Variants in ASTN2 observed in about 807,000 individuals in gnomAD.
ASTN2 encodes the protein astrotactin-2.
Under a neutral mutation model 139.8 loss-of-function variants are expected in ASTN2, and 54 were observed. The observed-to-expected ratio is 0.39, with a 90% CI of 0.31 to 0.48. The LOEUF (loss-of-function observed/expected upper bound fraction) is 0.48. Ranked by LOEUF, ASTN2 falls within the 20% of genes least tolerant of loss-of-function variation. The pLI, the probability that ASTN2 is intolerant of heterozygous loss-of-function variation, is 0.95. For synonymous variants in ASTN2, 756 were observed against 719.5 expected (o/e 1.05, Z -0.81); for missense variants, 1,565 against 1,725.1 (o/e 0.91, Z 1.64).
intron 10 of ASTN2, among the ~76,000 whole-genome samples, chr9:116,946,843 A>G (rs1266730073): frequency 1.3e-5 from 2 of 151,022 alleles, no homozygotes; most frequent in East Asian, 2.0e-4. Context: ...TTTATCTTTT[A>G]AGGCTTTTCC....
chr9:116,901,215 A>C (rs1287561170), intron 10 of ASTN2, among the ~76,000 whole-genome samples: 1 of 152,128 alleles, frequency 6.6e-6, no homozygotes, highest in Non-Finnish European at 1.5e-5. Context: ...TGCATATATG[A>C]CAGTGGTCCT....
chr9:117,097,087 T>A (rs562248318), intron 4 of ASTN2, among the ~76,000 whole-genome samples: 4 of 152,142 alleles, frequency 2.6e-5, no homozygotes, highest in Non-Finnish European at 4.4e-5. Flanking sequence ...GGCTGCAGGA[T>A]GGGTGCCAGG....
chr9:117,198,394 G>A (rs1831582291), intron 3 of ASTN2, among the ~76,000 whole-genome samples: 1 of 152,008 alleles, frequency 6.6e-6, no homozygotes, highest in Admixed American at 6.6e-5. Flanking sequence ...ATTCCATGGT[G>A]TATATGTACC....
chr9:117,154,925 C>T (rs1257029585), intron 3 of ASTN2, among the ~76,000 whole-genome samples: 1 of 152,002 alleles, frequency 6.6e-6, no homozygotes, highest in Non-Finnish European at 1.5e-5. Flanking sequence ...GCACCATTAC[C>T]TCATATGCCA....
intron 3 of ASTN2, among the ~76,000 whole-genome samples, chr9:117,211,333 C>T (rs1832119178): frequency 6.6e-6 from 1 of 152,164 alleles, no homozygotes; most frequent in Admixed American, 6.5e-5. Flanking sequence ...ATCTCATGTT[C>T]AATTATAATC....
At chr9:116,964,992 T>C in intron 10 of ASTN2, among the ~76,000 whole-genome samples, 1 of 152,110 alleles carries the variant, frequency 6.6e-6, no homozygotes, top group East Asian at 1.9e-4. Context: ...CACAATGAGG[T>C]CATGACATAG....
At chr9:116,496,601 T>C (rs951763757) in intron 19 of ASTN2, among the ~76,000 whole-genome samples, 3 of 152,146 alleles carry the variant, frequency 2.0e-5, no homozygotes, top group Non-Finnish European at 4.4e-5. Flanking sequence ...GTCGGGGAGA[T>C]GGGGCACTTA....
intron 20 of ASTN2, among the ~76,000 whole-genome samples, chr9:116,451,440 A>C (rs946841490): frequency 1.7e-4 from 24 of 145,044 alleles, no homozygotes; most frequent in African/African-American, 5.9e-4. Flanking sequence ...TAAGCACGGA[A>C]GAAACACCCA....
intron 11 of ASTN2, among the ~76,000 whole-genome samples, chr9:116,844,687 C>T (rs987243706): frequency 2.0e-5 from 3 of 151,856 alleles, no homozygotes; most frequent in East Asian, 1.9e-4. Context: ...ATAAAAGTTG[C>T]TATTATGATT....
chr9:117,299,566 G>A (rs1202695651), intron 1 of ASTN2, among the ~76,000 whole-genome samples: 1 of 152,162 alleles, frequency 6.6e-6, no homozygotes, highest in African/African-American at 2.4e-5. Context: ...GGTCACAAAT[G>A]TACAAAGGGA....
At chr9:117,355,874 T>C (rs1219679777) in intron 1 of ASTN2, among the ~76,000 whole-genome samples, 1 of 152,138 alleles carries the variant, frequency 6.6e-6, no homozygotes, top group Non-Finnish European at 1.5e-5. Context: ...AAGTGGTCAA[T>C]GGCATGCTTG....
intron 20 of ASTN2, among the ~76,000 whole-genome samples, chr9:116,481,770 G>A (rs1284146275): frequency 6.6e-6 from 1 of 152,154 alleles, no homozygotes; most frequent in Non-Finnish European, 1.5e-5. Flanking sequence ...TCTATAGGCT[G>A]TGATCTGAGT....
At chr9:117,184,994 C>T (rs916349017) in intron 3 of ASTN2, among the ~76,000 whole-genome samples, 8 of 152,058 alleles carry the variant, frequency 5.3e-5, no homozygotes, top group South Asian at 2.1e-4. Context: ...GTAAGGAATC[C>T]GAGACTAAAA....
intron 19 of ASTN2, among the ~76,000 whole-genome samples, chr9:116,499,977 A>G (rs1179225996): frequency 6.6e-6 from 1 of 151,972 alleles, no homozygotes; most frequent in African/African-American, 2.4e-5. Flanking sequence ...CAACCCACCT[A>G]ACTCCTGTTT....
intron 1 of ASTN2, among the ~76,000 whole-genome samples, chr9:117,340,567 C>T (rs1829036616): frequency 6.6e-6 from 1 of 151,992 alleles, no homozygotes. Flanking sequence ...ACAGAAGAAG[C>T]TTGTTATTGG....
chr9:117,268,291 A>T (rs1024530114), intron 2 of ASTN2, among the ~76,000 whole-genome samples: 5 of 152,174 alleles, frequency 3.3e-5, no homozygotes, highest in African/African-American at 1.2e-4. Context: ...GAATTCCTGG[A>T]GTCAAATAAC....
At chr9:117,051,221 T>C (rs112587204) in intron 5 of ASTN2, among the ~76,000 whole-genome samples, 2,112 of 88,464 alleles carry the variant, frequency 0.024, 55 homozygotes, top group African/African-American at 0.077. Flanking sequence ...TTGGAGCTTA[T>C]TAACTAAAAA....
chr9:117,073,414 C>T (rs1185621206), intron 5 of ASTN2, among the ~76,000 whole-genome samples: 1 of 152,174 alleles, frequency 6.6e-6, no homozygotes, highest in Admixed American at 6.5e-5. Flanking sequence ...ATCCCCTCTT[C>T]CTACTGTCCA....
chr9:117,278,422 G>A (rs773028597), intron 2 of ASTN2, among the ~76,000 whole-genome samples: 37 of 152,014 alleles, frequency 2.4e-4, no homozygotes, highest in African/African-American at 8.2e-4. Context: ...TCACACTCAC[G>A]CACACTCCCA....
Sources: allele counts gnomAD v4.1 joint callset (sites outside exome capture counted in the v4.1 genomes callset), GRCh38; gene constraint gnomAD v4.1.1; transcripts MANE v1.5; gene names NCBI Gene and HGNC (gene_info 2026-07-23, HGNC 2026-07-21).